The following RPS19 variants were observed in gnomAD, a reference collection of about 807,000 sequenced individuals.
RPS19 encodes ribosomal protein S19.
In RPS19, 1 loss-of-function variant was observed where a neutral mutation model predicts 20.3. The ratio of observed to expected loss-of-function variants is 0.05; its 90% CI spans 0.02 to 0.23. RPS19 has a LOEUF of 0.23. RPS19 is among the 10% of genes least tolerant of loss of function. RPS19 has a pLI of 1.00. For synonymous variants in RPS19, 87 were observed against 74.8 expected (o/e 1.16, Z -0.84); for missense variants, 111 against 192.7 (o/e 0.58, Z 2.51).
At chr19:41,869,981 C>T (rs1341902565) in intron 5 of RPS19, among the ~76,000 whole-genome samples, 1 of 152,080 alleles carries the variant, frequency 6.6e-6, no homozygotes, top group African/African-American at 2.4e-5. Flanking sequence ...GGTGTCTCAC[C>T]CCTGTAATCC....
chr19:41,862,635 A>G (rs75948451), intron 3 of RPS19, among the ~76,000 whole-genome samples: 11 of 144,622 alleles, frequency 7.6e-5, no homozygotes, highest in South Asian at 6.6e-4. Context: ...TGTCTTGTAC[A>G]TTTTTTTTTT....
At chr19:41,868,387 A>C (rs3786536) in intron 3 of RPS19, among the ~76,000 whole-genome samples, 69,301 of 152,052 alleles carry the variant, frequency 0.46, 16,693 homozygotes, top group Middle Eastern at 0.69. Context: ...TCAGGTGAAG[A>C]AGGGTGGAGA....
At chr19:41,861,548 T>A (rs1452820465) in intron 3 of RPS19, 1 of 376,458 alleles carries the variant, frequency 2.7e-6, no homozygotes, top group East Asian at 6.5e-5. Flanking sequence ...TACATCTGGC[T>A]GTGTGTCCTC....
chr19:41,862,791 A>G (rs2074045694), intron 3 of RPS19, among the ~76,000 whole-genome samples: 1 of 152,130 alleles, frequency 6.6e-6, no homozygotes. Flanking sequence ...CAGGATGTGC[A>G]TCTTCTGCCT....
intron 3 of RPS19, among the ~76,000 whole-genome samples, chr19:41,865,240 C>T (rs928719257): frequency 6.6e-6 from 1 of 152,090 alleles, no homozygotes; most frequent in Non-Finnish European, 1.5e-5. Context: ...TAGCAGGCGC[C>T]TGTAGTCCCA....
intron 3 of RPS19, among the ~76,000 whole-genome samples, chr19:41,866,031 A>C (rs1448956524): frequency 2.0e-5 from 3 of 150,472 alleles, no homozygotes; most frequent in Non-Finnish European, 4.4e-5. Flanking sequence ...AGGCGGGCGG[A>C]TCAGGAGGTC....
rs2074163062 is a variant in RPS19, at chr19:41,872,786, T to C, written c.*1409T>C. On this transcript the variant is annotated 3_prime_UTR_variant, in exon 6 of 6. Transcript: ENST00000598742. ...GGCGCGCACCTGTAATCCCAGCTAC[T>C]CAGGAGGCTGAGGCAGAAGAATCGC... The C allele has an allele frequency of 6.6e-6, 1 of 152,088 alleles. No homozygotes were observed. The allele number at this position is 152,088 out of a possible 1,614,324, so 9.4% of individuals were successfully genotyped here.
intron 5 of RPS19, among the ~76,000 whole-genome samples, chr19:41,870,849 C>CTTTTTTTTTTTTTTTTT (rs35987051): frequency 1.6e-4 from 7 of 43,962 alleles, no homozygotes; most frequent in African/African-American, 2.8e-4. Flanking sequence ...CACTCCCTTC[C>CTTTTTTTTTTTTTTTTT]TTTTTTTTTT....
chr19:41,861,288 T>C, intron 3 of RPS19, 76 bp downstream of exon 3: 1 of 1,062,930 alleles, frequency 9.4e-7, no homozygotes, highest in African/African-American at 1.6e-5. Context: ...CCCTGTCTCC[T>C]CTGAGCTCTT....
intron 3 of RPS19, among the ~76,000 whole-genome samples, chr19:41,866,314 G>A (rs781806639): frequency 2.6e-5 from 4 of 152,226 alleles, no homozygotes; most frequent in Non-Finnish European, 5.9e-5. Flanking sequence ...CCTGGGTACT[G>A]TAGTTCAAAT....
At chr19:41,860,897 G>A (rs782561310) in intron 2 of RPS19, 52 bp downstream of exon 2, 2 of 1,473,276 alleles carry the variant, frequency 1.4e-6, no homozygotes, top group Admixed American at 3.4e-5. Context: ...GCCTTGGCCT[G>A]CCCATCTGAG....
intron 5 of RPS19, 139 bp from the exon 6 acceptor site, chr19:41,871,212 A>G: frequency 1.3e-6 from 1 of 787,890 alleles, no homozygotes; most frequent in Non-Finnish European, 2.3e-6. Context: ...GAATACCCAC[A>G]GTGAGAATTA....
chr19:41,870,410 A>G (rs966152777), intron 5 of RPS19, among the ~76,000 whole-genome samples: 8 of 151,986 alleles, frequency 5.3e-5, no homozygotes, highest in African/African-American at 7.3e-5. Context: ...GGAGAGGTGG[A>G]GATAAGGGAG....
At chr19:41,860,901 A>G in intron 2 of RPS19, 56 bp downstream of exon 2, 1 of 1,479,388 alleles carries the variant, frequency 6.8e-7, no homozygotes, top group South Asian at 1.1e-5. Flanking sequence ...TGGCCTGCCC[A>G]TCTGAGCCCC....
At chr19:41,870,505 A>G (rs1555841743) in intron 5 of RPS19, among the ~76,000 whole-genome samples, 3 of 152,140 alleles carry the variant, frequency 2.0e-5, no homozygotes, top group Admixed American at 1.3e-4. Flanking sequence ...CTGGTGCCAC[A>G]GTCTCCTGTC....
At chr19:41,869,793 G>A (rs372768201) in intron 5 of RPS19, 40 bp downstream of exon 5, 6 of 1,593,892 alleles carry the variant, frequency 3.8e-6, no homozygotes, top group Non-Finnish European at 5.2e-6. Context: ...TCCCTTAGTC[G>A]CTGCCCAAGC....
chr19:41,865,792 C>T (rs1568792693), intron 3 of RPS19, among the ~76,000 whole-genome samples: 1 of 145,460 alleles, frequency 6.9e-6, no homozygotes, highest in Non-Finnish European at 1.5e-5. Flanking sequence ...ACTAAAAATA[C>T]GAAAAAATTA....
chr19:41,861,505 G>C, intron 3 of RPS19: 1 of 422,124 alleles, frequency 2.4e-6, no homozygotes, highest in Non-Finnish European at 4.5e-6. Flanking sequence ...CTATATACAC[G>C]GAGGCAGACT....
At chr19:41,862,541 T>G (rs2074042763) in intron 3 of RPS19, among the ~76,000 whole-genome samples, 1 of 152,200 alleles carries the variant, frequency 6.6e-6, no homozygotes, top group South Asian at 2.1e-4. Flanking sequence ...CAGAGCAGCT[T>G]TGGATCTGGG....
Sources: gnomAD v4.1 joint callset for allele counts (sites outside exome capture counted in the v4.1 genomes callset) on GRCh38, gnomAD v4.1.1 for gene constraint, MANE v1.5 for transcripts, NCBI Gene and HGNC (gene_info 2026-07-23, HGNC 2026-07-21) for gene names.